Variants in SAFB2 observed in about 807,000 individuals in gnomAD.
SAFB2 encodes the protein scaffold attachment factor B2.
Under a neutral mutation model 100.6 loss-of-function variants are expected in SAFB2, and 32 were observed. That is an observed-to-expected ratio of 0.32 (90% CI 0.24 to 0.43). SAFB2 has a LOEUF of 0.43. Ranked by LOEUF, SAFB2 falls within the 20% of genes least tolerant of loss-of-function variation. The pLI is 1.00. For missense variants in SAFB2, 1,185 were observed against 1,163.4 expected (o/e 1.02, Z -0.27); for synonymous variants, 500 against 439.4 (o/e 1.14, Z -1.72).
chr19:5,598,406 GTTAAT>G (rs1020634022), intron 13 of SAFB2: 8 of 239,382 alleles, frequency 3.3e-5, no homozygotes, highest in Non-Finnish European at 4.2e-5. Flanking sequence ...TACCTTTTTG[GTTAAT>G]TTAATAGGAG....
chr19:5,613,583 C>T, intron 4 of SAFB2, 56 bp from the exon 5 acceptor site: 1 of 1,588,822 alleles, frequency 6.3e-7, no homozygotes, highest in Non-Finnish European at 8.6e-7. Flanking sequence ...AAAACCAAGG[C>T]TGACACCTCG....
chr19:5,619,569 G>A (rs556383619), intron 2 of SAFB2, among the ~76,000 whole-genome samples: 1 of 152,358 alleles, frequency 6.6e-6, no homozygotes, highest in African/African-American at 2.4e-5. Flanking sequence ...GCCGGGCACA[G>A]TGGCTCATGC....
chr19:5,599,024 A>C, intron 12 of SAFB2, 140 bp from the exon 13 acceptor site: 1 of 700,420 alleles, frequency 1.4e-6, no homozygotes, highest in South Asian at 1.7e-5. Flanking sequence ...GGAGCCTCTA[A>C]TTCTCATCTA....
chr19:5,617,147 G>A (rs2053050666), intron 2 of SAFB2, among the ~76,000 whole-genome samples: 1 of 151,984 alleles, frequency 6.6e-6, no homozygotes, highest in Non-Finnish European at 1.5e-5. Flanking sequence ...ACAAAAAAAT[G>A]CAATACCCAT....
At chr19:5,600,979 C>T (rs185746251) in intron 11 of SAFB2, among the ~76,000 whole-genome samples, 8 of 152,200 alleles carry the variant, frequency 5.3e-5, no homozygotes, top group African/African-American at 1.9e-4. Context: ...TGCCAGGGTC[C>T]AGGCAGGAAA....
chr19:5,610,554 A>G (rs189278451), intron 8 of SAFB2, 85 bp downstream of exon 8: 52 of 973,062 alleles, frequency 5.3e-5, no homozygotes, highest in Non-Finnish European at 2.4e-5. Flanking sequence ...AAATTACTGA[A>G]TCCAAAGTGT....
rs140754060 is a variant in SAFB2 at position 5,601,600 on chromosome 19, C to T, written c.1560-1340G>A. Among the ~76,000 whole-genome samples the T allele has an allele frequency of 8.7e-3, 1,317 of 151,954 alleles. 28 individuals are homozygous for T. The highest frequency in any genetic ancestry group is 0.03 in the African/African-American group (1,243 of 41,440). The stretch of plus-strand genomic sequence containing the variant: ...GGTGGCGCATGCCTGTAATCCCAGC[C>T]ACTCGGGAGGCTAAGGCAGGAGAAT... On this transcript the variant is annotated intron_variant, in intron 11 of 20. Transcript: ENST00000252542.
chr19:5,615,054 T>C (rs928493535), intron 4 of SAFB2, among the ~76,000 whole-genome samples: 7 of 151,830 alleles, frequency 4.6e-5, no homozygotes, highest in Admixed American at 3.3e-4. Flanking sequence ...CTACCAAAAA[T>C]ATAAAAAATT....
intron 18 of SAFB2, among the ~76,000 whole-genome samples, chr19:5,589,828 T>C (rs925074043): frequency 2.6e-5 from 4 of 151,980 alleles, no homozygotes; most frequent in Non-Finnish European, 5.9e-5. Context: ...GTGATTCTAA[T>C]AGGCAGGATA....
rs1322491887 is a variant in SAFB2 at position 5,601,392 on chromosome 19, T to C, written c.1560-1132A>G. ...GCCATACTTCATACACTGCTTACTT[T>C]TGTCACCTCATGGTATGCTTTAAAG... On this transcript the variant is annotated intron_variant, in intron 11 of 20. Transcript: ENST00000252542. Among the ~76,000 whole-genome samples, 7 of 152,190 alleles carry C rather than the reference T, an allele frequency of 4.6e-5. No homozygotes were observed. The East Asian group carries it at 1.2e-3, about 25-fold the overall frequency.
intron 11 of SAFB2, among the ~76,000 whole-genome samples, 184 bp downstream of exon 11, chr19:5,604,399 T>C (rs1367575940): frequency 6.6e-6 from 1 of 151,950 alleles, no homozygotes; most frequent in Admixed American, 6.6e-5. Context: ...CTCCAAAAAA[T>C]AAATAAATAA....
intron 9 of SAFB2, among the ~76,000 whole-genome samples, chr19:5,608,873 C>T (rs1345940428): frequency 6.6e-6 from 1 of 151,950 alleles, no homozygotes. Context: ...CATGGCGAAA[C>T]CCCATCTCTA....
At chr19:5,593,666 T>A in intron 15 of SAFB2, 1 of 457,772 alleles carries the variant, frequency 2.2e-6, no homozygotes, top group Admixed American at 4.2e-5. Context: ...TTTCCCAGAA[T>A]AACTCAAGTT....
intron 2 of SAFB2, among the ~76,000 whole-genome samples, chr19:5,619,046 T>G (rs2053090289): frequency 6.6e-6 from 1 of 152,188 alleles, no homozygotes; most frequent in African/African-American, 2.4e-5. Context: ...ACTGGTGAGT[T>G]CCCAGAATGA....
At chr19:5,616,704 T>A (rs576019703) in intron 2 of SAFB2, among the ~76,000 whole-genome samples, 43 of 132,994 alleles carry the variant, frequency 3.2e-4, no homozygotes, top group Non-Finnish European at 1.4e-4. Flanking sequence ...CAGGCTGGAG[T>A]GCAGCGGCAC....
rs748486788 is a variant in SAFB2, at chr19:5,594,155, T to C, written c.1943A>G (p.Glu648Gly). Residue 648 changes from glutamate to glycine, a missense_variant, in exon 15 of 21, where the codon GAG becomes GGG. Physicochemically the swap from Glu to Gly is moderately conservative, Grantham distance 98 (BLOSUM62 -2). Coordinates refer to ENST00000252542, the MANE Select transcript of SAFB2 (RefSeq NM_014649.3). ...RRREREQRER[E>G]QRLEAFHERK... is the part of the protein sequence containing the mutation. ...CTCATGGAAGGCCTCGAGGCGTTGCTCCCGCTCCCGCTGCTCGCGCTCCCT... is the reference window on the plus strand; with the variant it reads ...CTCATGGAAGGCCTCGAGGCGTTGCCCCCGCTCCCGCTGCTCGCGCTCCCT... 4 of 1,598,018 alleles carry C rather than the reference T, an allele frequency of 2.5e-6. No homozygotes were observed. In the South Asian group the frequency reaches 4.4e-5, roughly 18 times the overall value.
rs573576312 is a variant in SAFB2 at position 5,596,039 on chromosome 19, C to T, written c.1783-542G>A. Among the ~76,000 whole-genome samples, 29 of 152,258 alleles carry T rather than the reference C, an allele frequency of 1.9e-4. 1 individual carries two copies. In the South Asian group the frequency reaches 4.8e-3, roughly 25 times the overall value. ...CAGCATTTCAGGAGGCCAAGGTGGG[C>T]GGATCACAACATCAGGAGTTCGAGA... is the stretch of plus-strand genomic sequence containing the variant. On this transcript the variant is annotated intron_variant, in intron 13 of 20. Coordinates refer to ENST00000252542, the MANE Select transcript of SAFB2 (RefSeq NM_014649.3).
rs781325715 is a variant in SAFB2, at chr19:5,592,928, G to A, written c.2208-41C>T. ...TTAAAAGAATACAAATTCCATTAAT[G>A]AGAGAGGAGGAGGAAAAAAGGAGGA... On this transcript the variant is annotated intron_variant, in intron 15 of 20. Coordinates refer to ENST00000252542, the MANE Select transcript of SAFB2 (RefSeq NM_014649.3). 29 of 1,594,854 alleles carry A rather than the reference G, an allele frequency of 1.8e-5. No individual in the cohort carries two copies. The South Asian group carries it at 3.2e-4, about 18-fold the overall frequency.
At chr19:5,601,688 G>A (rs1156534444) in intron 11 of SAFB2, among the ~76,000 whole-genome samples, 1 of 150,622 alleles carries the variant, frequency 6.6e-6, no homozygotes, top group Non-Finnish European at 1.5e-5. Flanking sequence ...CTCCAGCCTG[G>A]CAACAGAGAG....
Sources: gnomAD v4.1 joint callset for allele counts (sites outside exome capture counted in the v4.1 genomes callset) on GRCh38, gnomAD v4.1.1 for gene constraint, MANE v1.5 for transcripts, NCBI Gene and HGNC (gene_info 2026-07-23, HGNC 2026-07-21) for gene names.